Variants in EXOC6B observed in about 807,000 individuals in gnomAD.
The protein encoded by EXOC6B is exocyst complex component 6B, also known as SEC15 homolog B.
EXOC6B carries 54 observed loss-of-function variants against 113.5 expected under a neutral mutation model. That is an observed-to-expected ratio of 0.48 (90% CI 0.38 to 0.60). EXOC6B has a LOEUF of 0.60. Ranked by LOEUF, EXOC6B falls within the 20% of genes least tolerant of loss-of-function variation. The pLI is 0.00. For synonymous variants in EXOC6B, 357 were observed against 339.0 expected (o/e 1.05, Z -0.58); for missense variants, 797 against 977.5 (o/e 0.82, Z 2.46).
chr2:72,428,632 C>G (rs542028319), intron 18 of EXOC6B, among the ~76,000 whole-genome samples: 1 of 152,282 alleles, frequency 6.6e-6, no homozygotes, highest in African/African-American at 2.4e-5. Flanking sequence ...GCGCAGCCTA[C>G]CAGGCTGAGT....
At chr2:72,287,430 CAA>C (rs60011551) in intron 20 of EXOC6B, among the ~76,000 whole-genome samples, 13 of 105,378 alleles carry the variant, frequency 1.2e-4, no homozygotes, top group South Asian at 6.8e-4. Flanking sequence ...GACTTCATCT[CAA>C]AAAAAAAAAA....
At chr2:72,193,124 T>A (rs942431207) in intron 20 of EXOC6B, among the ~76,000 whole-genome samples, 6 of 152,180 alleles carry the variant, frequency 3.9e-5, no homozygotes, top group Non-Finnish European at 7.4e-5. Context: ...TGCCTTTTTT[T>A]GGAGGCAGTA....
At chr2:72,483,551 T>C (rs1699232125) in intron 16 of EXOC6B, among the ~76,000 whole-genome samples, 1 of 152,234 alleles carries the variant, frequency 6.6e-6, no homozygotes, top group Non-Finnish European at 1.5e-5. Context: ...AAGATCACTG[T>C]GAATTACATC....
chr2:72,751,160 A>C (rs936034757), intron 1 of EXOC6B, among the ~76,000 whole-genome samples: 2 of 152,128 alleles, frequency 1.3e-5, no homozygotes, highest in African/African-American at 4.8e-5. Flanking sequence ...CACACCTGTG[A>C]CATAGCCTCA....
At chr2:72,194,467 G>C (rs1031529146) in intron 20 of EXOC6B, among the ~76,000 whole-genome samples, 1 of 152,026 alleles carries the variant, frequency 6.6e-6, no homozygotes, top group African/African-American at 2.4e-5. Context: ...AAAACTGTTT[G>C]CTGTGCAATT....
intron 20 of EXOC6B, among the ~76,000 whole-genome samples, chr2:72,275,553 T>C (rs1265656749): frequency 6.6e-6 from 1 of 152,220 alleles, no homozygotes; most frequent in Non-Finnish European, 1.5e-5. Flanking sequence ...ATGCTTCACA[T>C]AGACATGGAT....
At chr2:72,381,528 G>T (rs1379610773) in intron 18 of EXOC6B, among the ~76,000 whole-genome samples, 1 of 151,974 alleles carries the variant, frequency 6.6e-6, no homozygotes, top group Non-Finnish European at 1.5e-5. Flanking sequence ...AATCTAGCAG[G>T]CTTTAAAGAG....
intron 8 of EXOC6B, among the ~76,000 whole-genome samples, chr2:72,525,628 C>A (rs1026691170): frequency 6.6e-6 from 1 of 152,098 alleles, no homozygotes; most frequent in African/African-American, 2.4e-5. Context: ...TATAACTGTG[C>A]ACCTTAATTA....
At chr2:72,530,891 T>G (rs914139180) in intron 8 of EXOC6B, among the ~76,000 whole-genome samples, 1 of 152,130 alleles carries the variant, frequency 6.6e-6, no homozygotes, top group Admixed American at 6.5e-5. Flanking sequence ...TAATAGAGAT[T>G]ATTCTGCTTT....
chr2:72,389,231 T>C (rs574464657), intron 18 of EXOC6B, among the ~76,000 whole-genome samples: 1 of 152,170 alleles, frequency 6.6e-6, no homozygotes, highest in East Asian at 1.9e-4. Context: ...CCTTATTTTA[T>C]ACATTTAGTA....
chr2:72,680,511 G>A lies in EXOC6B; in HGVS notation c.669+37592C>T, dbSNP rs113623796. 3.3e-4 allele frequency among the ~76,000 whole-genome samples: 50 copies of A among 152,180 alleles called. 2 individuals are homozygous for A. The highest frequency in any genetic ancestry group is 1.7e-3 in the Admixed American group (26 of 15,280). On this transcript the variant is annotated intron_variant, in intron 6 of 21. Transcript: ENST00000272427. ...TCCCAGCACTTTGGGAGCCCAACAC[G>A]GTAGATCACCTGAGGTTAGGAGTTT...
At chr2:72,252,262 C>T (rs538546091) in intron 20 of EXOC6B, among the ~76,000 whole-genome samples, 92 of 151,268 alleles carry the variant, frequency 6.1e-4, no homozygotes, top group Non-Finnish European at 1.1e-3. Flanking sequence ...AAAATTTCTG[C>T]CACTATTGCC....
chr2:72,761,104 C>A, intron 1 of EXOC6B, among the ~76,000 whole-genome samples: 1 of 152,098 alleles, frequency 6.6e-6, no homozygotes, highest in South Asian at 2.1e-4. Context: ...CACTTGAACC[C>A]AGGAGGAGGA....
intron 20 of EXOC6B, among the ~76,000 whole-genome samples, chr2:72,187,590 A>G (rs773073154): frequency 3.3e-5 from 5 of 152,034 alleles, no homozygotes; most frequent in Non-Finnish European, 7.4e-5. Flanking sequence ...TGTCTCGATA[A>G]GTGTTCAGCT....
At chr2:72,535,822 A>G (rs181993469) in intron 8 of EXOC6B, among the ~76,000 whole-genome samples, 1 of 151,466 alleles carries the variant, frequency 6.6e-6, no homozygotes, top group Non-Finnish European at 1.5e-5. Context: ...GTGAGCCAAG[A>G]TTGCGCCATT....
chr2:72,429,056 G>A (rs1274432071), intron 18 of EXOC6B, among the ~76,000 whole-genome samples: 3 of 152,146 alleles, frequency 2.0e-5, no homozygotes, highest in African/African-American at 7.2e-5. Flanking sequence ...CACTAATTTA[G>A]CTCTTTTAAG....
rs112391464 is a variant in EXOC6B at position 72,758,545 on chromosome 2, T to C, written c.114-17076A>G. Among the ~76,000 whole-genome samples, 508 of 152,278 alleles carry C rather than the reference T, an allele frequency of 3.3e-3. 2 individuals are homozygous for C. Among genetic ancestry groups the C allele is most frequent in the African/African-American group, 0.012 (484 of 41,576 alleles). ...TCACATCATAGGTGCCATGTTTCCA[T>C]TAGGAAACAATTTTGTGTGTTTTTT... On this transcript the variant is annotated intron_variant, in intron 1 of 21. Transcript: ENST00000272427.
rs397869115 is a variant in EXOC6B at position 72,764,364 on chromosome 2, CTTTTTTTT to C, written c.114-22903_114-22896del. ...GCATTACCTCTCCCTTATTTTCTCT[CTTTTTTTT>C]TTTTTTTTTTTTTTTTTGAGACAGA... On this transcript the variant is annotated intron_variant, in intron 1 of 21. Transcript: ENST00000272427. Among the ~76,000 whole-genome samples the C allele has an allele frequency of 3.1e-3, 208 of 66,836 alleles. 1 individual carries two copies. Among genetic ancestry groups the C allele is most frequent in the South Asian group, 0.018 (18 of 1,028 alleles). 43.8% of individuals were successfully genotyped at this position (66,836 alleles called of 152,430 possible).
At chr2:72,707,111 A>C (rs993166345) in intron 6 of EXOC6B, among the ~76,000 whole-genome samples, 2 of 152,202 alleles carry the variant, frequency 1.3e-5, no homozygotes, top group Non-Finnish European at 2.9e-5. Context: ...GGACAGAGTC[A>C]AATCATCTTC....
Sources: allele counts gnomAD v4.1 joint callset (sites outside exome capture counted in the v4.1 genomes callset), GRCh38; gene constraint gnomAD v4.1.1; transcripts MANE v1.5; gene names NCBI Gene and HGNC (gene_info 2026-07-23, HGNC 2026-07-21).